MYO16: variants seen among roughly 807,000 people sequenced by gnomAD.
The protein encoded by MYO16 is myosin XVI.
MYO16 carries 94 observed loss-of-function variants against 205.3 expected under a neutral mutation model. The observed-to-expected ratio is 0.46, with a 90% CI of 0.39 to 0.54. The LOEUF is 0.54. MYO16 is among the 20% of genes least tolerant of loss of function. The pLI is 0.00. For synonymous variants in MYO16, 988 were observed against 954.0 expected (o/e 1.04, Z -0.66); for missense variants, 2,315 against 2,387.5 (o/e 0.97, Z 0.63).
At chr13:108,627,004 T>C (rs1879768499), upstream of MYO16, among the ~76,000 whole-genome samples, 1 of 147,242 alleles carries the variant, frequency 6.8e-6, no homozygotes, top group Non-Finnish European at 1.5e-5. Context: ...GAAGGAGTCC[T>C]GAAATTATTG....
At chr13:108,691,041 T>C (rs1250389289) in intron 2 of MYO16, among the ~76,000 whole-genome samples, 1 of 152,218 alleles carries the variant, frequency 6.6e-6, no homozygotes, top group African/African-American at 2.4e-5. Flanking sequence ...TGATTAATTT[T>C]AACACAGCAA....
At chr13:108,550,898 G>A in the MYO16 span, among the ~76,000 whole-genome samples, 4 of 152,232 alleles carry the variant, frequency 2.6e-5, no homozygotes, top group African/African-American at 4.8e-5. Flanking sequence ...CAGGCATAAT[G>A]CATGATTAAA....
intron 31 of MYO16, among the ~76,000 whole-genome samples, chr13:109,139,547 A>G (rs1472592325): frequency 6.6e-6 from 1 of 152,222 alleles, no homozygotes; most frequent in South Asian, 2.1e-4. Context: ...AAAACTCCTC[A>G]GACACCAGGT....
chr13:108,617,115 C>T (rs752011752), intron 1 of MYO16, among the ~76,000 whole-genome samples: 6 of 152,036 alleles, frequency 3.9e-5, no homozygotes, highest in Non-Finnish European at 5.9e-5. Context: ...TTCTTGCCAC[C>T]GAGTGTGCCA....
intron 4 of MYO16, among the ~76,000 whole-genome samples, chr13:108,755,349 G>A (rs1885388075): frequency 6.6e-6 from 1 of 152,102 alleles, no homozygotes; most frequent in Non-Finnish European, 1.5e-5. Flanking sequence ...AAGTAAATGT[G>A]CAGCATTGAA....
chr13:108,878,133 G>A (rs1360709804), intron 12 of MYO16, among the ~76,000 whole-genome samples: 1 of 152,174 alleles, frequency 6.6e-6, no homozygotes, highest in Non-Finnish European at 1.5e-5. Context: ...AGGAGGCAGG[G>A]AGACACTGGG....
chr13:108,985,974 C>A (rs1250898346), intron 20 of MYO16, among the ~76,000 whole-genome samples: 4 of 152,158 alleles, frequency 2.6e-5, no homozygotes, highest in Admixed American at 2.6e-4. Flanking sequence ...AATGGACTCA[C>A]AGTTCCACAT....
chr13:109,181,938 G>A (rs1879474541), intron 34 of MYO16, among the ~76,000 whole-genome samples: 2 of 148,688 alleles, frequency 1.3e-5, no homozygotes, highest in African/African-American at 2.5e-5. Flanking sequence ...TCCTATCTCA[G>A]CCTCCCAAGT....
At chr13:108,613,697 A>C (rs1019843497) in intron 1 of MYO16, among the ~76,000 whole-genome samples, 1 of 152,198 alleles carries the variant, frequency 6.6e-6, no homozygotes, top group African/African-American at 2.4e-5. Flanking sequence ...AGGTTGGTCC[A>C]AGACATGAAA....
intron 2 of MYO16, among the ~76,000 whole-genome samples, chr13:108,683,250 G>C (rs1679504776): frequency 1.3e-5 from 2 of 152,040 alleles, no homozygotes. Context: ...CCCACTTTAA[G>C]CAACTCAGAT....
intron 1 of MYO16, among the ~76,000 whole-genome samples, chr13:108,657,686 C>T (rs1389438501): frequency 6.6e-6 from 1 of 152,146 alleles, no homozygotes; most frequent in African/African-American, 2.4e-5. Flanking sequence ...TTTTGACTTG[C>T]ATTCAGCAAA....
At chr13:108,708,710 G>C (rs149292111) in intron 2 of MYO16, among the ~76,000 whole-genome samples, 154 of 152,304 alleles carry the variant, frequency 1.0e-3, no homozygotes, top group Admixed American at 2.9e-3. Context: ...GAGATTGTGT[G>C]AGAGGAGGTA....
intron 34 of MYO16, among the ~76,000 whole-genome samples, chr13:109,186,774 T>TA (rs1156565046): frequency 6.6e-6 from 1 of 152,204 alleles, no homozygotes; most frequent in Non-Finnish European, 1.5e-5. Flanking sequence ...GTGGAAAACT[T>TA]ACATCAAAAT....
Position 109,159,696 on chromosome 13 carries a change from C to T in MYO16, c.5165-5205C>T, listed in dbSNP as rs74119875. 4.1e-3 allele frequency among the ~76,000 whole-genome samples: 627 copies of T among 152,034 alleles called. 3 individuals are homozygous for T. Among genetic ancestry groups the T allele is most frequent in the African/African-American group, 0.015 (604 of 41,518 alleles). On this transcript the variant is annotated intron_variant, in intron 32 of 34. Coordinates refer to ENST00000457511, the MANE Select transcript of MYO16 (RefSeq NM_001198950.3). ...GGAGTGGGGACAGGAACTGACCTGG[C>T]GAGGAAGACAGGTGCTGTTTTTCAG...
At chr13:109,119,319 C>T (rs1026579721) in intron 28 of MYO16, among the ~76,000 whole-genome samples, 7 of 152,206 alleles carry the variant, frequency 4.6e-5, no homozygotes, top group South Asian at 2.1e-4. Flanking sequence ...TGAGAGCACA[C>T]ATGTTAGACT....
intron 13 of MYO16, 73 bp from the exon 14 acceptor site, chr13:108,888,299 T>C: frequency 9.3e-7 from 1 of 1,069,958 alleles, no homozygotes; most frequent in South Asian, 1.6e-5. Flanking sequence ...CAAAGTAGTT[T>C]CAAAGGAACA....
chr13:108,983,576 T>G (rs1884523821), intron 20 of MYO16, among the ~76,000 whole-genome samples: 1 of 152,164 alleles, frequency 6.6e-6, no homozygotes, highest in Non-Finnish European at 1.5e-5. Context: ...TTAAAAATAT[T>G]TAGGAACATT....
At chr13:108,919,508 A>T (rs1555312767) in intron 16 of MYO16, among the ~76,000 whole-genome samples, 1 of 152,246 alleles carries the variant, frequency 6.6e-6, no homozygotes, top group Non-Finnish European at 1.5e-5. Flanking sequence ...GTTCTTTGAC[A>T]TCTTCTCCTT....
chr13:108,711,447 A>G (rs2139546138), intron 2 of MYO16, among the ~76,000 whole-genome samples: 1 of 152,374 alleles, frequency 6.6e-6, no homozygotes, highest in South Asian at 2.1e-4. Context: ...ATGTGCTCCA[A>G]GGGTGCGCTG....
Sources: allele counts gnomAD v4.1 joint callset (sites outside exome capture counted in the v4.1 genomes callset), GRCh38; gene constraint gnomAD v4.1.1; transcripts MANE v1.5; gene names NCBI Gene and HGNC (gene_info 2026-07-23, HGNC 2026-07-21).